Variants in PAM observed in about 807,000 individuals in gnomAD.
The protein encoded by PAM is peptidyl-glycine alpha-amidating monooxygenase.
In PAM, 72 loss-of-function variants were observed where a neutral mutation model predicts 122.1. That is an observed-to-expected ratio of 0.59 (90% CI 0.49 to 0.72). The LOEUF is 0.72. Among genes scored for constraint, PAM ranks in the 30% least tolerant of loss-of-function variants. PAM has a pLI of 0.00. For synonymous variants in PAM, 389 were observed against 404.4 expected (o/e 0.96, Z 0.46); for missense variants, 1,106 against 1,183.7 (o/e 0.93, Z 0.96).
intron 15 of PAM, among the ~76,000 whole-genome samples, chr5:102,984,333 C>T (rs941531602): frequency 6.6e-6 from 1 of 151,980 alleles, no homozygotes; most frequent in Non-Finnish European, 1.5e-5. Context: ...ATTTGCTGCT[C>T]GTAAAAACTC....
At chr5:102,803,146 A>AAAGGAAGG (rs149345963) in intron 1 of PAM, among the ~76,000 whole-genome samples, 63 of 133,686 alleles carry the variant, frequency 4.7e-4, no homozygotes, top group African/African-American at 1.7e-3. Context: ...AGAAAGAAAG[A>AAAGGAAGG]AAGGAAGGAA....
intron 1 of PAM, among the ~76,000 whole-genome samples, chr5:102,757,704 GTGGGTCCTGAAGTGACTC>G (rs1750874002): frequency 6.6e-6 from 1 of 152,152 alleles, no homozygotes; most frequent in African/African-American, 2.4e-5. Context: ...TTAAGGCCTG[GTGGGTCCTGAAGTGACTC>G]TGGAAATTTG....
intron 18 of PAM, among the ~76,000 whole-genome samples, chr5:103,005,482 T>C (rs1367079411): frequency 6.6e-6 from 1 of 152,168 alleles, no homozygotes; most frequent in Admixed American, 6.6e-5. Context: ...GCCAGCATGG[T>C]TGAGTTCTAG....
chr5:102,939,603 A>G (rs1167165246), intron 7 of PAM, among the ~76,000 whole-genome samples: 1 of 152,138 alleles, frequency 6.6e-6, no homozygotes, highest in Admixed American at 6.6e-5. Flanking sequence ...TAGCATTTAT[A>G]TACTACTTTT....
At chr5:102,905,870 T>C (rs1799388403) in intron 4 of PAM, among the ~76,000 whole-genome samples, 1 of 151,696 alleles carries the variant, frequency 6.6e-6, no homozygotes, top group Non-Finnish European at 1.5e-5. Flanking sequence ...GACTGAGTAT[T>C]TCCCACCAAT....
rs1278245258 is a variant in PAM, at chr5:102,960,038, A to G, written c.1069A>G (p.Met357Val). 1 of 1,597,714 alleles carries G rather than the reference A, an allele frequency of 6.3e-7. No homozygotes were observed. Among genetic ancestry groups the G allele is most frequent in the East Asian group, 2.2e-5 (1 of 44,764 alleles). ...IPIPVKSDMV[M>V]MHEHHKETEY... ...AATTCCCGTGAAGTCTGATATGGTTATGATGCATGAACATCATAAAGGTAA... is the reference window on the plus strand; with the variant it reads ...AATTCCCGTGAAGTCTGATATGGTTGTGATGCATGAACATCATAAAGGTAA... The change falls in exon 13 of 26, where the codon ATG (methionine) becomes GTG (valine). Residue 357 changes from methionine to valine, a missense_variant. By Grantham distance (21) the Met-to-Val change is conservative (BLOSUM62 1). Transcript: ENST00000438793.
At chr5:102,976,765 T>A (rs1286553212) in intron 15 of PAM, among the ~76,000 whole-genome samples, 1 of 152,200 alleles carries the variant, frequency 6.6e-6, no homozygotes, top group Non-Finnish European at 1.5e-5. Context: ...AATTTTCAAA[T>A]AAAGAAGCTG....
chr5:102,898,632 T>C (rs1342723957), intron 3 of PAM, among the ~76,000 whole-genome samples: 1 of 151,516 alleles, frequency 6.6e-6, no homozygotes, highest in Non-Finnish European at 1.5e-5. Context: ...TCACCAAGCT[T>C]TTATGAAATG....
intron 1 of PAM, among the ~76,000 whole-genome samples, chr5:102,770,898 T>C (rs1267034611): frequency 6.6e-6 from 1 of 152,038 alleles, no homozygotes; most frequent in Non-Finnish European, 1.5e-5. Flanking sequence ...TAGTTAATAA[T>C]TTCCCCCAAA....
chr5:102,862,242 G>T (rs1479394776), intron 1 of PAM, among the ~76,000 whole-genome samples: 1 of 149,738 alleles, frequency 6.7e-6, no homozygotes, highest in East Asian at 1.9e-4. Context: ...TTTTAAAGGG[G>T]TGCATAGCAT....
chr5:102,790,801 T>A lies in PAM; in HGVS notation c.-374+35453T>A, dbSNP rs200244286. ...ATTTCCCCCCATTGTTTTCTTGAATTATACTTGTTCATTATGAAAAATTGT... is the reference window on the plus strand; with the variant it reads ...ATTTCCCCCCATTGTTTTCTTGAATAATACTTGTTCATTATGAAAAATTGT... On this transcript the variant is annotated intron_variant, in intron 1 of 25. Coordinates refer to ENST00000438793, the MANE Select transcript of PAM (RefSeq NM_001177306.2). Among the ~76,000 whole-genome samples the A allele has an allele frequency of 1.8e-4, 28 of 152,222 alleles. No homozygotes were observed. The East Asian group carries it at 5.4e-3, about 29-fold the overall frequency.
chr5:102,857,811 A>G (rs1046293135), intron 1 of PAM, among the ~76,000 whole-genome samples: 39 of 152,354 alleles, frequency 2.6e-4, no homozygotes, highest in Non-Finnish European at 8.8e-5. Flanking sequence ...GTAATTGCTC[A>G]ATAAACATGA....
chr5:102,920,053 A>T (rs759470229), intron 5 of PAM, among the ~76,000 whole-genome samples: 16 of 152,078 alleles, frequency 1.1e-4, no homozygotes, highest in Non-Finnish European at 2.4e-4. Context: ...ACAGATCCAG[A>T]ACTGTGAAAT....
At chr5:102,814,570 C>CAT (rs200714590) in intron 1 of PAM, among the ~76,000 whole-genome samples, 101 of 140,318 alleles carry the variant, frequency 7.2e-4, no homozygotes, top group African/African-American at 2.1e-3. Flanking sequence ...TAGATATATA[C>CAT]ATATATTGAT....
At chr5:102,973,663 T>C (rs1766623146) in intron 14 of PAM, among the ~76,000 whole-genome samples, 1 of 152,184 alleles carries the variant, frequency 6.6e-6, no homozygotes, top group African/African-American at 2.4e-5. Flanking sequence ...AATGTATATT[T>C]CCTGCTCAAG....
At position 102,821,389 on chromosome 5, in the gene PAM, C is replaced by T. The variant is rs555950455; in HGVS notation, c.-373-44434C>T. ...ATGTCTAAGAACACCTGAACACAGACTCACTCACTCAAGTCCTCTTCCTCT... is the reference window on the plus strand; with the variant it reads ...ATGTCTAAGAACACCTGAACACAGATTCACTCACTCAAGTCCTCTTCCTCT... On this transcript the variant is annotated intron_variant, in intron 1 of 25. Transcript: ENST00000438793. 3.3e-5 allele frequency among the ~76,000 whole-genome samples: 5 copies of T among 152,352 alleles called. No homozygotes were observed. In the East Asian group the frequency reaches 7.7e-4, roughly 24 times the overall value.
intron 1 of PAM, among the ~76,000 whole-genome samples, chr5:102,808,895 T>G (rs537755962): frequency 2.0e-4 from 31 of 152,356 alleles, no homozygotes; most frequent in Admixed American, 8.5e-4. Flanking sequence ...TAGTGCTTCA[T>G]GAAAGTTTTC....
intron 1 of PAM, among the ~76,000 whole-genome samples, chr5:102,826,566 C>T (rs983214181): frequency 6.6e-6 from 1 of 151,978 alleles, no homozygotes; most frequent in Non-Finnish European, 1.5e-5. Context: ...ATCTAGAGGA[C>T]GTATTTGAGA....
intron 5 of PAM, among the ~76,000 whole-genome samples, chr5:102,915,269 A>C (rs910148502): frequency 1.3e-5 from 2 of 152,122 alleles, no homozygotes; most frequent in Admixed American, 6.6e-5. Context: ...GCCTGATGTG[A>C]GTCAAGCAGC....
Sources: allele counts gnomAD v4.1 joint callset (sites outside exome capture counted in the v4.1 genomes callset), GRCh38; gene constraint gnomAD v4.1.1; transcripts MANE v1.5; gene names NCBI Gene and HGNC (gene_info 2026-07-23, HGNC 2026-07-21).